DDX50: variants seen among roughly 807,000 people sequenced by gnomAD.
The protein encoded by DDX50 is DExD-box helicase 50.
DDX50 carries 56 observed loss-of-function variants against 94.8 expected under a neutral mutation model. The observed-to-expected ratio is 0.59, with a 90% confidence interval of 0.48 to 0.74. The LOEUF (loss-of-function observed/expected upper bound fraction) is 0.74, where lower values mean the gene tolerates loss of function less well. Among genes scored for constraint, DDX50 ranks in the 30% least tolerant of loss-of-function variants. DDX50 has a pLI of 0.00. For synonymous variants in DDX50, 264 were observed against 295.4 expected (o/e 0.89, Z 1.09); for missense variants, 713 against 881.2 (o/e 0.81, Z 2.42).
chr10:68,902,190 C>CAAAAAAAAAAAAAAAAAAAAA (rs35302047), intron 1 of DDX50, among the ~76,000 whole-genome samples: 1 of 94,320 alleles, frequency 1.1e-5, no homozygotes, highest in Non-Finnish European at 2.0e-5. Context: ...CCCTGCCCTC[C>CAAAAAAAAAAAAAAAAAAAAA]AAAAAAAAAA....
At chr10:68,943,295 A>G (rs1049131563) in intron 14 of DDX50, 38 bp downstream of exon 14, 3 of 1,502,590 alleles carry the variant, frequency 2.0e-6, no homozygotes, top group African/African-American at 2.8e-5. Flanking sequence ...GGTTGAGTAC[A>G]TTCTCTAACA....
In DDX50 at chr10:68,946,412, G is replaced by A; in HGVS notation, c.1996G>A (p.Glu666Lys). 6.2e-7 allele frequency: 1 copy of A among 1,614,194 alleles called. No individual in the cohort carries two copies. Among genetic ancestry groups the A allele is most frequent in the Non-Finnish European group, 8.5e-7 (1 of 1,180,026 alleles). ...SVPAKLPEIEEYYDGNTSSNS... is the reference protein window; with the variant it reads ...SVPAKLPEIEKYYDGNTSSNS... ...GCCAGCCAAATTACCTGAAATTGAA[G>A]AATATTATGATGGAAACACATCTTC... The change falls in exon 15 of 15, where the codon GAA becomes AAA. Residue 666 changes from glutamate to lysine, a missense_variant. Glu to Lys is a moderately conservative substitution (Grantham distance 56). Coordinates refer to ENST00000373585, the MANE Select transcript of DDX50 (RefSeq NM_024045.2).
At chr10:68,912,797 A>G (rs906944744) in intron 4 of DDX50, among the ~76,000 whole-genome samples, 14 of 152,236 alleles carry the variant, frequency 9.2e-5, no homozygotes, top group Admixed American at 6.5e-5. Flanking sequence ...GGAATACAGT[A>G]ACCCAACCTG....
At chr10:68,943,191 T>C (rs1320994330) in intron 13 of DDX50, 22 bp from the exon 14 acceptor site, 1 of 1,601,788 alleles carries the variant, frequency 6.2e-7, no homozygotes, top group Non-Finnish European at 8.5e-7. Flanking sequence ...ATTTAAAATG[T>C]TTTGCTTTGT....
At chr10:68,929,296 T>C (rs12782113) in intron 8 of DDX50, among the ~76,000 whole-genome samples, 11,436 of 64,970 alleles carry the variant, frequency 0.18, 581 homozygotes, top group Admixed American at 0.25. Flanking sequence ...TTCCTTCCTC[T>C]CTCTCTCTCT....
chr10:68,923,948 T>C (rs1007296071), intron 8 of DDX50, among the ~76,000 whole-genome samples: 12 of 125,530 alleles, frequency 9.6e-5, no homozygotes, highest in Non-Finnish European at 1.8e-4. Flanking sequence ...TTTTTTTTTT[T>C]TTTTTTTTTT....
At chr10:68,939,940 A>G (rs2132062049) in intron 12 of DDX50, among the ~76,000 whole-genome samples, 1 of 142,968 alleles carries the variant, frequency 7.0e-6, no homozygotes, top group East Asian at 2.0e-4. Context: ...CTGAATCTCT[A>G]GCACCTAGTA....
At chr10:68,913,723 A>G in intron 6 of DDX50, 147 bp downstream of exon 6, 1 of 742,384 alleles carries the variant, frequency 1.3e-6, no homozygotes, top group Non-Finnish European at 2.0e-6. Flanking sequence ...CTTGAAAAAG[A>G]AAGTATGATA....
At position 68,938,581 on chromosome 10, in the gene DDX50, T is replaced by C. The variant is rs10762247; in HGVS notation, c.1755+1486T>C. ...TAATTTGGGCAGCACATCCCTGTGATGGGGAGGAGGAAACAAAAAGGGCAG... is the reference window on the plus strand; with the variant it reads ...TAATTTGGGCAGCACATCCCTGTGACGGGGAGGAGGAAACAAAAAGGGCAG... On this transcript the variant is annotated intron_variant, in intron 12 of 14. Coordinates refer to ENST00000373585, the MANE Select transcript of DDX50 (RefSeq NM_024045.2). Among the ~76,000 whole-genome samples the C allele has an allele frequency of 3.3e-5, 5 of 152,198 alleles. No homozygotes were observed. The East Asian group carries it at 9.7e-4, about 29-fold the overall frequency.
intron 8 of DDX50, among the ~76,000 whole-genome samples, chr10:68,931,373 A>C (rs1409620088): frequency 1.6e-5 from 2 of 126,544 alleles, no homozygotes; most frequent in Non-Finnish European, 3.2e-5. Flanking sequence ...TGGGTGGGTG[A>C]CGGATCATTA....
intron 7 of DDX50, among the ~76,000 whole-genome samples, chr10:68,916,051 G>C (rs187270017): frequency 7.4e-4 from 113 of 152,172 alleles, no homozygotes; most frequent in Non-Finnish European, 1.5e-3. Flanking sequence ...GGGGCATGCT[G>C]GATGGTAAAA....
At chr10:68,929,293 C>CTTCCTT (rs374759643) in intron 8 of DDX50, among the ~76,000 whole-genome samples, 3 of 120,018 alleles carry the variant, frequency 2.5e-5, no homozygotes, top group African/African-American at 6.3e-5. Flanking sequence ...TCCTTCCTTC[C>CTTCCTT]TCTCTCTCTC....
At position 68,934,450 on chromosome 10, in the gene DDX50, A is replaced by G. The variant is rs1485971687; in HGVS notation, c.1401+90A>G. The G allele has an allele frequency of 1.9e-6, 3 of 1,548,100 alleles. No individual in the cohort carries two copies. Among genetic ancestry groups the G allele is most frequent in the East Asian group, 2.3e-5 (1 of 44,444 alleles). On this transcript the variant is annotated intron_variant, in intron 9 of 14. Transcript: ENST00000373585. This position sits in a 1 kb window ranked among gnomAD's most constrained non-coding sequence, Gnocchi z 4.0. Reference sequence around the variant, plus strand: ...ACATATTGCTTGGGATGTGAAAAATATGTCATCTCTTCTTGCTCTTAGCCA... The same window carrying G: ...ACATATTGCTTGGGATGTGAAAAATGTGTCATCTCTTCTTGCTCTTAGCCA...
At position 68,946,529 on chromosome 10, in the gene DDX50, A is replaced by C; in HGVS notation, c.2113A>C (p.Ser705Arg). ...GRSGGRSGRQSRQGSRSGSRQ... is the reference protein window; with the variant it reads ...GRSGGRSGRQRRQGSRSGSRQ... ...ATCTGGCGGCCGGTCAGGTAGACAG[A>C]GTCGACAAGGAAGTCGCTCAGGAAG... Residue 705 changes from serine to arginine, a missense_variant, in exon 15 of 15, where the codon AGT becomes CGT. Around this residue, in one of 2 missense-constraint regions of DDX50, gnomAD observed 428 missense variants for 602.3 expected, o/e 0.71. Transcript: ENST00000373585. The C allele has an allele frequency of 2.5e-6, 4 of 1,614,236 alleles. No homozygotes were observed. The highest frequency in any genetic ancestry group is 3.4e-6 in the Non-Finnish European group (4 of 1,180,040).
intron 1 of DDX50, among the ~76,000 whole-genome samples, chr10:68,903,977 G>GAA (rs755101958): frequency 2.4e-5 from 2 of 84,584 alleles, no homozygotes; most frequent in Non-Finnish European, 4.7e-5. Context: ...CTCCGTCTCA[G>GAA]AAAAAAAAAA....
At chr10:68,908,338 C>G (rs1317561282) in intron 2 of DDX50, among the ~76,000 whole-genome samples, 1 of 150,280 alleles carries the variant, frequency 6.7e-6, no homozygotes, top group Non-Finnish European at 1.5e-5. Context: ...GTAATCCCAG[C>G]TACTTGGGAG....
chr10:68,914,285 T>C, intron 7 of DDX50, 81 bp downstream of exon 7: 1 of 1,512,744 alleles, frequency 6.6e-7, no homozygotes, highest in Middle Eastern at 1.7e-4. Flanking sequence ...AATTTAAGTT[T>C]TGGGTACCTC....
At chr10:68,924,052 C>T (rs1170507684) in intron 8 of DDX50, among the ~76,000 whole-genome samples, 1 of 134,360 alleles carries the variant, frequency 7.4e-6, no homozygotes, top group Non-Finnish European at 1.5e-5. Context: ...CAGGTTCAAG[C>T]GATTTTCCTG....
chr10:68,916,836 C>G (rs1395360260), intron 7 of DDX50, among the ~76,000 whole-genome samples: 1 of 152,094 alleles, frequency 6.6e-6, no homozygotes, highest in East Asian at 1.9e-4. Context: ...AGGCGCCCAC[C>G]ACCACACCTG....
Sources: gnomAD v4.1 joint callset for allele counts (sites outside exome capture counted in the v4.1 genomes callset) on GRCh38, gnomAD v4.1.1 for gene constraint, gnomAD v4.1.1 regional missense constraint, Gnocchi (gnomAD v3.1) non-coding constraint, MANE v1.5 for transcripts, NCBI Gene and HGNC (gene_info 2026-07-23, HGNC 2026-07-21) for gene names.